Variants in SLCO1C1 observed in about 807,000 individuals in gnomAD.
SLCO1C1 encodes the protein solute carrier organic anion transporter family member 1C1.
In SLCO1C1, 70 loss-of-function variants were observed where a neutral mutation model predicts 76.4. The observed-to-expected ratio is 0.92, with a 90% CI of 0.76 to 1.12. SLCO1C1 has a LOEUF of 1.12. Among genes scored for constraint, SLCO1C1 ranks in the 50% most tolerant of loss-of-function variants. The pLI, the probability that SLCO1C1 is intolerant of heterozygous loss-of-function variation, is 0.00. For missense variants in SLCO1C1, 912 were observed against 823.8 expected (o/e 1.11, Z -1.31); for synonymous variants, 306 against 286.1 (o/e 1.07, Z -0.70).
chr12:20,729,623 C>T (rs1325611753), intron 9 of SLCO1C1, among the ~76,000 whole-genome samples: 1 of 151,660 alleles, frequency 6.6e-6, no homozygotes, highest in Admixed American at 6.6e-5. Context: ...CCTGGAAGCC[C>T]CATATGGCTG....
intron 9 of SLCO1C1, among the ~76,000 whole-genome samples, chr12:20,726,201 A>G (rs946873606): frequency 3.9e-5 from 6 of 152,008 alleles, no homozygotes; most frequent in Non-Finnish European, 7.4e-5. Flanking sequence ...CGTTCAATAA[A>G]TATTATTTCT....
At chr12:20,706,959 T>C (rs774112191) in intron 4 of SLCO1C1, among the ~76,000 whole-genome samples, 17 of 152,208 alleles carry the variant, frequency 1.1e-4, no homozygotes, top group Non-Finnish European at 2.9e-5. Flanking sequence ...TAGATCATTG[T>C]ATCAGGACAG....
chr12:20,722,139 T>G (rs190654954), intron 8 of SLCO1C1, 90 bp downstream of exon 8: 1 of 1,460,286 alleles, frequency 6.8e-7, no homozygotes, highest in Admixed American at 2.5e-5. Context: ...TCCCTTCGTG[T>G]ATTAAAAAGT....
rs1946430791 is a variant in SLCO1C1, at chr12:20,699,764, C to G, written c.129+59C>G. 2.0e-6 allele frequency: 3 copies of G among 1,466,796 alleles called. No individual in the cohort carries two copies. In the South Asian group the frequency reaches 4.0e-5, roughly 20 times the overall value. 90.9% of individuals were successfully genotyped at this position (1,466,796 alleles called of 1,614,324 possible). On this transcript the variant is annotated intron_variant, in intron 2 of 14. Coordinates refer to ENST00000266509, the MANE Select transcript of SLCO1C1 (RefSeq NM_017435.5). Reference sequence around the variant, plus strand: ...TCTTAGTTTTCTGTCCAGATATCATCTATATAATGAAGTTAGAATGAGAAT... The same window carrying G: ...TCTTAGTTTTCTGTCCAGATATCATGTATATAATGAAGTTAGAATGAGAAT...
chr12:20,737,572 G>A (rs1316053553), intron 11 of SLCO1C1, among the ~76,000 whole-genome samples: 2 of 152,160 alleles, frequency 1.3e-5, no homozygotes, highest in African/African-American at 4.8e-5. Context: ...TCTGTCGTAT[G>A]ATCATCATAA....
chr12:20,721,847 C>A lies in SLCO1C1; in HGVS notation c.819C>A (p.Ala273=). 1 of 1,614,116 alleles carries A rather than the reference C, an allele frequency of 6.2e-7. No homozygotes were observed. The change falls in exon 8 of 15, where the codon GCC becomes GCA. Residue 273 remains alanine, a synonymous_variant. Transcript: ENST00000266509. ...CAAAAGATCCCCAGTGGGTAGGAGC[C>A]TGGTGGCTTGGCTATCTAATAGCAG... The part of the protein sequence containing the change: ...ITPKDPQWVG[A]WWLGYLIAGI...
At chr12:20,728,204 A>C (rs1043276857) in intron 9 of SLCO1C1, among the ~76,000 whole-genome samples, 6 of 152,158 alleles carry the variant, frequency 3.9e-5, no homozygotes, top group Non-Finnish European at 8.8e-5. Flanking sequence ...GATGATGATA[A>C]GGGGTCCAGT....
chr12:20,744,533 A>C (rs1429365036), intron 13 of SLCO1C1, among the ~76,000 whole-genome samples: 1 of 152,092 alleles, frequency 6.6e-6, no homozygotes, highest in Non-Finnish European at 1.5e-5. Context: ...TTTTTCATGG[A>C]AAAATAAATG....
chr12:20,723,369 A>C, intron 9 of SLCO1C1, 115 bp downstream of exon 9: 1 of 1,256,356 alleles, frequency 8.0e-7, no homozygotes, highest in Non-Finnish European at 1.1e-6. Context: ...GACATTTTAG[A>C]TGAGCTCAAA....
intron 10 of SLCO1C1, among the ~76,000 whole-genome samples, chr12:20,736,100 T>C (rs1190198835): frequency 6.6e-6 from 1 of 151,506 alleles, no homozygotes; most frequent in Non-Finnish European, 1.5e-5. Flanking sequence ...CAGATAGAAA[T>C]GACATACCAT....
chr12:20,704,689 G>A (rs922097172), intron 3 of SLCO1C1, among the ~76,000 whole-genome samples: 1 of 149,684 alleles, frequency 6.7e-6, no homozygotes, highest in Non-Finnish European at 1.5e-5. Context: ...ACTAAAGCTG[G>A]CAATGTGCGT....
At chr12:20,705,003 G>C (rs1050785149) in intron 3 of SLCO1C1, among the ~76,000 whole-genome samples, 1 of 151,832 alleles carries the variant, frequency 6.6e-6, no homozygotes, top group African/African-American at 2.4e-5. Flanking sequence ...AGATTTCTTG[G>C]CCTGACCTCA....
At chr12:20,731,866 C>T (rs12815336) in intron 9 of SLCO1C1, among the ~76,000 whole-genome samples, 38,978 of 151,880 alleles carry the variant, frequency 0.26, 5,677 homozygotes, top group African/African-American at 0.39. Flanking sequence ...AATTGCATGA[C>T]ATTTTTTTTT....
At chr12:20,717,022 A>G (rs1809788731) in intron 6 of SLCO1C1, 110 bp from the exon 7 acceptor site, 4 of 934,312 alleles carry the variant, frequency 4.3e-6, no homozygotes, top group Non-Finnish European at 6.5e-6. Flanking sequence ...AATGAGTTAA[A>G]ACATTTTGAG....
intron 1 of SLCO1C1, 107 bp downstream of exon 1, chr12:20,695,914 C>T (rs1165345691): frequency 6.6e-6 from 1 of 151,954 alleles, no homozygotes; most frequent in Non-Finnish European, 1.5e-5. Flanking sequence ...ATAAAAATAT[C>T]AGTGAAAGGT....
intron 14 of SLCO1C1, 85 bp from the exon 15 acceptor site, chr12:20,752,221 C>A (rs962227465): frequency 2.0e-5 from 17 of 844,008 alleles, no homozygotes; most frequent in South Asian, 5.9e-5. Flanking sequence ...TTAAAGAAAA[C>A]CATCAGTATG....
chr12:20,705,402 T>A (rs995879860), intron 3 of SLCO1C1, among the ~76,000 whole-genome samples: 2 of 152,036 alleles, frequency 1.3e-5, no homozygotes, highest in Non-Finnish European at 2.9e-5. Flanking sequence ...TGAGTCTTAA[T>A]CTTTTTGTAC....
At chr12:20,706,815 T>G (rs538113256) in intron 4 of SLCO1C1, among the ~76,000 whole-genome samples, 27 of 152,222 alleles carry the variant, frequency 1.8e-4, no homozygotes, top group African/African-American at 5.1e-4. Flanking sequence ...CAGGCAGCAG[T>G]TTTCATACAT....
intron 4 of SLCO1C1, among the ~76,000 whole-genome samples, chr12:20,710,355 A>G (rs944946052): frequency 2.7e-5 from 4 of 150,666 alleles, no homozygotes; most frequent in Admixed American, 6.6e-5. Context: ...GTTCTTTACT[A>G]TTAATATGCA....
Sources: allele counts gnomAD v4.1 joint callset (sites outside exome capture counted in the v4.1 genomes callset), GRCh38; gene constraint gnomAD v4.1.1; transcripts MANE v1.5; gene names NCBI Gene and HGNC (gene_info 2026-07-23, HGNC 2026-07-21).